Variants in SLCO4C1 observed in about 807,000 individuals in gnomAD.
SLCO4C1 encodes the protein organic anion transporter M1.
In SLCO4C1, 58 loss-of-function variants were observed where a neutral mutation model predicts 72.1. The ratio of observed to expected loss-of-function variants is 0.80; its 90% CI spans 0.65 to 1.00. The LOEUF (loss-of-function observed/expected upper bound fraction) is 1.00, where lower values mean the gene tolerates loss of function less well. Ranked by LOEUF, SLCO4C1 falls within the 50% of genes least tolerant of loss-of-function variation. The pLI is 0.00. For missense variants in SLCO4C1, 898 were observed against 857.9 expected, an observed-to-expected ratio of 1.05 and a Z score of -0.58; for synonymous variants, 297 against 312.5, an observed-to-expected ratio of 0.95 and a Z score of 0.52.
At chr5:102,240,569 C>A (rs1748519910) in intron 11 of SLCO4C1, 149 bp downstream of exon 11, 3 of 634,386 alleles carry the variant, frequency 4.7e-6, no homozygotes, top group Non-Finnish European at 5.6e-6. Context: ...AATCCTATAT[C>A]TGAAACATTG....
chr5:102,250,101 T>C (rs1748711342), intron 8 of SLCO4C1, among the ~76,000 whole-genome samples: 1 of 152,200 alleles, frequency 6.6e-6, no homozygotes, highest in Non-Finnish European at 1.5e-5. Context: ...CTATAGAATG[T>C]TTAGCAGCTT....
chr5:102,243,735 A>G (rs542433762), intron 10 of SLCO4C1, among the ~76,000 whole-genome samples: 47 of 152,338 alleles, frequency 3.1e-4, no homozygotes, highest in Admixed American at 1.0e-3. Flanking sequence ...TGAACTCACC[A>G]AATGAGCTCA....
rs1208468851 is a variant in SLCO4C1 at position 102,234,352 on chromosome 5, T to A, written c.*2506A>T. 4 of 152,598 alleles carry A rather than the reference T, an allele frequency of 2.6e-5. No individual in the cohort carries two copies. The highest frequency in any genetic ancestry group is 9.7e-5 in the African/African-American group (4 of 41,450). 9.5% of individuals were successfully genotyped at this position (152,598 alleles called of 1,614,324 possible). ...ACCCAAAAGTAAAAAATAATGATTA[T>A]AAATTATGGTAGTGTCTGTAAAACC... is the stretch of plus-strand genomic sequence containing the variant. On this transcript the variant is annotated 3_prime_UTR_variant, in exon 13 of 13. Transcript: ENST00000310954.
chr5:102,247,187 G>A lies in SLCO4C1; in HGVS notation c.1811+65C>T, dbSNP rs984632098. On this transcript the variant is annotated intron_variant, in intron 10 of 12. Transcript: ENST00000310954. ...TCAATATGAACCCCAAATGAACCCC[G>A]AGTCCATTTGTTTTCCATCAACATG... is the stretch of plus-strand genomic sequence containing the variant. The A allele has an allele frequency of 2.3e-5, 29 of 1,252,736 alleles. No individual in the cohort carries two copies. In the East Asian group the frequency reaches 4.8e-4, roughly 21 times the overall value. 77.6% of individuals were successfully genotyped at this position (1,252,736 alleles called of 1,614,324 possible). A position where few individuals can be genotyped will look rare whatever the true frequency, so the allele number is the denominator to read the frequency against.
chr5:102,276,863 A>C (rs567475935), intron 2 of SLCO4C1, among the ~76,000 whole-genome samples: 1 of 152,280 alleles, frequency 6.6e-6, no homozygotes, highest in South Asian at 2.1e-4. Flanking sequence ...GTGTGCCTTG[A>C]TGGAAACTTA....
chr5:102,242,318 G>C (rs1197974050), intron 10 of SLCO4C1, among the ~76,000 whole-genome samples: 5 of 152,214 alleles, frequency 3.3e-5, no homozygotes, highest in Non-Finnish European at 5.9e-5. Context: ...TAGGCTCAAA[G>C]ACAGTGGACT....
intron 8 of SLCO4C1, among the ~76,000 whole-genome samples, chr5:102,253,512 T>C (rs1240833747): frequency 6.6e-6 from 1 of 151,712 alleles, no homozygotes; most frequent in South Asian, 2.1e-4. Context: ...GGGGCAAGTG[T>C]TGAAAAACTA....
rs1399331538 is a variant in SLCO4C1, at chr5:102,296,214, G to C, written c.49C>G (p.Pro17Ala). Residue 17 changes from proline to alanine, a missense_variant, in exon 1 of 13, where the codon CCA (proline) becomes GCA (alanine). By Grantham distance (27) the Pro-to-Ala change is conservative. Transcript: ENST00000310954. ...IENLAFVPSS[P>A]DILRRLSASP... The stretch of plus-strand genomic sequence containing the variant: ...GCAGACAAGCGGCGCAGGATGTCTG[G>C]GCTGGAGGGGACAAAAGCCAAGTTC... The C allele has an allele frequency of 1.9e-6, 3 of 1,585,634 alleles. No individual in the cohort carries two copies. Among genetic ancestry groups the C allele is most frequent in the Non-Finnish European group, 2.6e-6 (3 of 1,166,812 alleles).
intron 4 of SLCO4C1, among the ~76,000 whole-genome samples, 167 bp from the exon 5 acceptor site, chr5:102,262,200 A>G (rs767081611): frequency 6.6e-6 from 1 of 152,248 alleles, no homozygotes; most frequent in African/African-American, 2.4e-5. Flanking sequence ...GGTAGCAGAC[A>G]TAATTGAGAG....
intron 2 of SLCO4C1, among the ~76,000 whole-genome samples, chr5:102,281,127 G>C (rs960556914): frequency 6.6e-6 from 1 of 152,114 alleles, no homozygotes; most frequent in African/African-American, 2.4e-5. Flanking sequence ...ATGGAGCAGA[G>C]TAGAGATCCC....
rs1243590159 is a variant in SLCO4C1 at position 102,239,192 on chromosome 5, GA to G, written c.2014+58del. 5 of 1,352,734 alleles carry G rather than the reference GA, an allele frequency of 3.7e-6. No homozygotes were observed. The African/African-American group carries it at 4.6e-5, about 12-fold the overall frequency. 83.8% of individuals were successfully genotyped at this position (1,352,734 alleles called of 1,614,324 possible). A position where few individuals can be genotyped will look rare whatever the true frequency, so the allele number is the denominator to read the frequency against. ...TGTGACCCTAAGTAACCAACAATGAGATTTTTTTTTTTTTACATCCTTAGTT... is the reference window on the plus strand; with the variant it reads ...TGTGACCCTAAGTAACCAACAATGAGTTTTTTTTTTTTTACATCCTTAGTT... On this transcript the variant is annotated intron_variant, in intron 12 of 12. Transcript: ENST00000310954.
At chr5:102,237,817 A>G (rs1168233144) in intron 12 of SLCO4C1, among the ~76,000 whole-genome samples, 1 of 152,190 alleles carries the variant, frequency 6.6e-6, no homozygotes, top group Non-Finnish European at 1.5e-5. Flanking sequence ...ATCACACTCA[A>G]TACTTAACCA....
rs149646045 is a variant in SLCO4C1 at position 102,261,958 on chromosome 5, A to C, written c.975T>G (p.Ala325=). ...AAGAAAAAGGTATTATTAAAGACCA[A>C]GCAAAGATCCATGATAGAAGAAACC... ...WIGFLLSWIF[A]WSLIIPFSCF... is the part of the protein sequence containing the mutation. The change falls in exon 5 of 13, where the codon GCT becomes GCG. Residue 325 remains alanine (A), a synonymous_variant. Coordinates refer to ENST00000310954, the MANE Select transcript of SLCO4C1 (RefSeq NM_180991.5). 2.6e-5 allele frequency: 42 copies of C among 1,613,256 alleles called. No individual in the cohort carries two copies. The East Asian group carries it at 8.5e-4, about 33-fold the overall frequency.
chr5:102,281,163 CAACT>C (rs1484158886), intron 2 of SLCO4C1, among the ~76,000 whole-genome samples: 1 of 151,944 alleles, frequency 6.6e-6, no homozygotes, highest in Non-Finnish European at 1.5e-5. Context: ...CAAATATGCC[CAACT>C]GATTTTTGAA....
intron 2 of SLCO4C1, 23 bp downstream of exon 2, chr5:102,291,320 A>T (rs1749543453): frequency 6.3e-7 from 1 of 1,599,802 alleles, no homozygotes; most frequent in African/African-American, 1.4e-5. Context: ...ATTAAAACAA[A>T]CATAAACACA....
At chr5:102,289,440 G>A (rs1376590928) in intron 2 of SLCO4C1, among the ~76,000 whole-genome samples, 1 of 152,192 alleles carries the variant, frequency 6.6e-6, no homozygotes, top group Non-Finnish European at 1.5e-5. Flanking sequence ...ATAGATTTTC[G>A]AGCAAGGTTT....
At chr5:102,263,297 C>T (rs1301193890) in intron 4 of SLCO4C1, among the ~76,000 whole-genome samples, 1 of 152,086 alleles carries the variant, frequency 6.6e-6, no homozygotes, top group East Asian at 1.9e-4. Context: ...TACTATGGAA[C>T]ATTTTCTGAG....
At chr5:102,264,324 A>G (rs1282273234) in intron 3 of SLCO4C1, among the ~76,000 whole-genome samples, 3 of 152,080 alleles carry the variant, frequency 2.0e-5, no homozygotes, top group African/African-American at 7.2e-5. Flanking sequence ...GCTTATTTCT[A>G]TCTGTGAGAT....
intron 9 of SLCO4C1, among the ~76,000 whole-genome samples, chr5:102,248,566 T>G (rs1217525746): frequency 6.6e-6 from 1 of 152,130 alleles, no homozygotes; most frequent in African/African-American, 2.4e-5. Context: ...CTATATATAT[T>G]TAGTTATGTG....
Sources: gnomAD v4.1 joint callset for allele counts (sites outside exome capture counted in the v4.1 genomes callset) on GRCh38, gnomAD v4.1.1 for gene constraint, MANE v1.5 for transcripts, NCBI Gene and HGNC (gene_info 2026-07-23, HGNC 2026-07-21) for gene names.